Variants in LYPD6 observed in about 807,000 individuals in gnomAD.
LYPD6 encodes ly6/PLAUR domain-containing protein 6.
A neutral mutation model predicts 22.7 loss-of-function variants in LYPD6; 15 were observed. The ratio of observed to expected loss-of-function variants is 0.66; its 90% CI spans 0.44 to 1.02. The LOEUF (loss-of-function observed/expected upper bound fraction) is 1.02. Among genes scored for constraint, LYPD6 ranks in the 50% least tolerant of loss-of-function variants. The pLI is 0.00. For missense variants in LYPD6, 189 were observed against 208.4 expected, an observed-to-expected ratio of 0.91 and a Z score of 0.57; for synonymous variants, 72 against 77.5, an observed-to-expected ratio of 0.93 and a Z score of 0.37.
intron 1 of LYPD6, among the ~76,000 whole-genome samples, chr2:149,372,935 T>G (rs1217849212): frequency 6.6e-6 from 1 of 152,210 alleles, no homozygotes; most frequent in Non-Finnish European, 1.5e-5. Context: ...CAGGCTTCAT[T>G]ACAGGTCCTC....
At chr2:149,405,011 G>A (rs963684867) in intron 1 of LYPD6, among the ~76,000 whole-genome samples, 3 of 152,162 alleles carry the variant, frequency 2.0e-5, no homozygotes, top group East Asian at 3.9e-4. Context: ...TTTGTCTTTG[G>A]TTCTGTTTAT....
chr2:149,442,162 C>A (rs1474179541), intron 2 of LYPD6, among the ~76,000 whole-genome samples: 3 of 152,086 alleles, frequency 2.0e-5, no homozygotes, highest in African/African-American at 7.2e-5. Context: ...TATATGCATC[C>A]AGTTTTCAGA....
At chr2:149,401,589 C>G (rs1682556868) in intron 1 of LYPD6, among the ~76,000 whole-genome samples, 1 of 152,144 alleles carries the variant, frequency 6.6e-6, no homozygotes, top group African/African-American at 2.4e-5. Context: ...TACACATTTT[C>G]TATATCTGGT....
At chr2:149,435,580 CTGTTGAATTCA>C (rs1296935943) in intron 1 of LYPD6, among the ~76,000 whole-genome samples, 15 of 152,188 alleles carry the variant, frequency 9.9e-5, no homozygotes, top group Admixed American at 1.3e-4. Flanking sequence ...GAAAGAAGCA[CTGTTGAATTCA>C]TTCAAGATGA....
chr2:149,395,022 A>G (rs1159083571), intron 1 of LYPD6, among the ~76,000 whole-genome samples: 1 of 152,138 alleles, frequency 6.6e-6, no homozygotes, highest in African/African-American at 2.4e-5. Flanking sequence ...ACAATACCTC[A>G]TGGACTGCCC....
chr2:149,361,207 G>A (rs1045033190), intron 1 of LYPD6, among the ~76,000 whole-genome samples: 1 of 152,162 alleles, frequency 6.6e-6, no homozygotes, highest in African/African-American at 2.4e-5. Context: ...GTTATGGGAG[G>A]TAACCAGGAA....
chr2:149,420,559 C>G (rs1235983953), intron 1 of LYPD6, among the ~76,000 whole-genome samples: 2 of 152,136 alleles, frequency 1.3e-5, no homozygotes, highest in African/African-American at 2.4e-5. Flanking sequence ...TAACACCAGA[C>G]AACCACTTCC....
At chr2:149,389,684 T>C (rs544641768) in intron 1 of LYPD6, among the ~76,000 whole-genome samples, 14 of 152,224 alleles carry the variant, frequency 9.2e-5, no homozygotes, top group Admixed American at 3.3e-4. Context: ...GTATCTTTAT[T>C]TTTGGTCTGT....
intron 1 of LYPD6, among the ~76,000 whole-genome samples, chr2:149,423,291 G>A (rs1683120290): frequency 6.6e-6 from 1 of 152,132 alleles, no homozygotes; most frequent in Non-Finnish European, 1.5e-5. Context: ...AATAAAGGAA[G>A]GTTCTCTTAA....
intron 1 of LYPD6, among the ~76,000 whole-genome samples, chr2:149,356,227 C>T (rs976359326): frequency 6.6e-6 from 1 of 152,070 alleles, no homozygotes; most frequent in Non-Finnish European, 1.5e-5. Flanking sequence ...AGGACTGACT[C>T]ATGCTTTCTC....
At chr2:149,419,030 C>A (rs142746118) in intron 1 of LYPD6, among the ~76,000 whole-genome samples, 4 of 152,334 alleles carry the variant, frequency 2.6e-5, no homozygotes, top group African/African-American at 9.6e-5. Flanking sequence ...GCTTACTCAT[C>A]TGTAAAAACT....
chr2:149,394,163 C>T (rs1346192190), intron 1 of LYPD6, among the ~76,000 whole-genome samples: 2 of 152,194 alleles, frequency 1.3e-5, no homozygotes, highest in East Asian at 1.9e-4. Flanking sequence ...ACAATGATGT[C>T]GTCTCCTGTT....
chr2:149,431,699 T>A (rs1424484537), intron 1 of LYPD6, among the ~76,000 whole-genome samples: 1 of 152,226 alleles, frequency 6.6e-6, no homozygotes. Flanking sequence ...TGTATGCATT[T>A]TTTTTAGTCC....
At chr2:149,398,413 TTGTGTGTGTGTG>T (rs10584410) in intron 1 of LYPD6, among the ~76,000 whole-genome samples, 8 of 147,758 alleles carry the variant, frequency 5.4e-5, no homozygotes, top group African/African-American at 1.5e-4. Context: ...AAAGATGGCT[TTGTGTGTGTGTG>T]TGTGTGTGTG....
intron 1 of LYPD6, among the ~76,000 whole-genome samples, chr2:149,343,653 A>G (rs1281376832): frequency 6.6e-6 from 1 of 152,214 alleles, no homozygotes; most frequent in East Asian, 1.9e-4. Flanking sequence ...AGAGGAGGTA[A>G]CTTTTTCCTT....
chr2:149,462,635 G>T (rs1005768530), intron 3 of LYPD6, among the ~76,000 whole-genome samples: 5 of 151,722 alleles, frequency 3.3e-5, no homozygotes, highest in Non-Finnish European at 5.9e-5. Context: ...GACTAAAGTA[G>T]AAGGAATCAA....
chr2:149,380,889 AG>A (rs1258687462), intron 1 of LYPD6, among the ~76,000 whole-genome samples: 1 of 152,186 alleles, frequency 6.6e-6, no homozygotes, highest in Non-Finnish European at 1.5e-5. Flanking sequence ...AAGGAAGGTG[AG>A]AAAAAGCAAC....
At chr2:149,433,735 A>G (rs1402935013) in intron 1 of LYPD6, among the ~76,000 whole-genome samples, 1 of 152,168 alleles carries the variant, frequency 6.6e-6, no homozygotes, top group Non-Finnish European at 1.5e-5. Flanking sequence ...CACAGAGGCC[A>G]AGTTCCTGCA....
chr2:149,411,024 G>A (rs1460157711), intron 1 of LYPD6, among the ~76,000 whole-genome samples: 2 of 152,236 alleles, frequency 1.3e-5, no homozygotes, highest in Non-Finnish European at 2.9e-5. Flanking sequence ...TGAAGTCATC[G>A]ACCATTAGGA....
Sources: allele counts gnomAD v4.1 joint callset (sites outside exome capture counted in the v4.1 genomes callset), GRCh38; gene constraint gnomAD v4.1.1; transcripts MANE v1.5; gene names NCBI Gene and HGNC (gene_info 2026-07-23, HGNC 2026-07-21).